Variants in TMEM163 observed in about 807,000 individuals in gnomAD.
The protein encoded by TMEM163 is transmembrane protein 163.
A neutral mutation model predicts 29.3 loss-of-function variants in TMEM163; 17 were observed. That is an observed-to-expected ratio of 0.58 (90% confidence interval 0.40 to 0.87). TMEM163 has a LOEUF of 0.87. Ranked by LOEUF, TMEM163 falls within the 40% of genes least tolerant of loss-of-function variation. The pLI is 0.00. For missense variants in TMEM163, 303 were observed against 381.5 expected, an observed-to-expected ratio of 0.79 and a Z score of 1.71; for synonymous variants, 157 against 160.6, an observed-to-expected ratio of 0.98 and a Z score of 0.17.
At chr2:134,514,764 A>G (rs1680021638) in intron 4 of TMEM163, among the ~76,000 whole-genome samples, 1 of 152,112 alleles carries the variant, frequency 6.6e-6, no homozygotes, top group South Asian at 2.1e-4. Context: ...CCTGCCCACT[A>G]TGGGACTTGG....
intron 2 of TMEM163, among the ~76,000 whole-genome samples, chr2:134,594,985 C>T (rs889005953): frequency 6.6e-6 from 1 of 151,078 alleles, no homozygotes; most frequent in Admixed American, 6.6e-5. Context: ...AAAACAACAA[C>T]AAAAAAAGAT....
intron 2 of TMEM163, among the ~76,000 whole-genome samples, chr2:134,689,913 GGTTTGTTT>G (rs71400515): frequency 1.8e-4 from 27 of 151,442 alleles, no homozygotes; most frequent in East Asian, 1.2e-3. Context: ...GCTCCTTTGC[GGTTTGTTT>G]GTTTGTTTGT....
intron 2 of TMEM163, among the ~76,000 whole-genome samples, chr2:134,689,338 C>T (rs537031266): frequency 2.0e-5 from 3 of 152,190 alleles, no homozygotes; most frequent in Admixed American, 2.0e-4. Flanking sequence ...AATCTCCTGA[C>T]CTCAGGTGAT....
chr2:134,470,373 AC>A (rs1446100881), intron 5 of TMEM163, among the ~76,000 whole-genome samples: 2 of 151,124 alleles, frequency 1.3e-5, no homozygotes, highest in Non-Finnish European at 3.0e-5. Context: ...AAAAAAAAAA[AC>A]TTCATACGGA....
intron 2 of TMEM163, among the ~76,000 whole-genome samples, chr2:134,586,268 G>T (rs532494211): frequency 1.3e-5 from 2 of 152,344 alleles, no homozygotes; most frequent in African/African-American, 4.8e-5. Flanking sequence ...TTAACCAGGA[G>T]AACTTTATTG....
chr2:134,519,300 T>C (rs1458880090), intron 4 of TMEM163, among the ~76,000 whole-genome samples: 1 of 152,194 alleles, frequency 6.6e-6, no homozygotes, highest in African/African-American at 2.4e-5. Context: ...CTTGGGGCAG[T>C]CTTTAAAACC....
intron 5 of TMEM163, chr2:134,466,694 A>T (rs1253215819): frequency 1.3e-5 from 2 of 155,494 alleles, no homozygotes; most frequent in African/African-American, 4.8e-5. Context: ...GGCCAGAGCT[A>T]CTTAAAACCA....
At chr2:134,606,813 T>C (rs1475654385) in intron 2 of TMEM163, among the ~76,000 whole-genome samples, 1 of 152,200 alleles carries the variant, frequency 6.6e-6, no homozygotes, top group African/African-American at 2.4e-5. Context: ...ATGGGGGCAG[T>C]GAGTGAATCT....
At chr2:134,599,845 T>C (rs1682186263) in intron 2 of TMEM163, among the ~76,000 whole-genome samples, 1 of 151,996 alleles carries the variant, frequency 6.6e-6, no homozygotes, top group Non-Finnish European at 1.5e-5. Flanking sequence ...CCTATTCTAC[T>C]TTTTCATTAA....
intron 5 of TMEM163, among the ~76,000 whole-genome samples, chr2:134,476,314 G>A (rs1686911587): frequency 1.3e-5 from 2 of 152,308 alleles, no homozygotes; most frequent in South Asian, 4.1e-4. Flanking sequence ...GGGAGAGGAG[G>A]TGATTAATGA....
At chr2:134,613,103 G>A (rs1682541497) in intron 2 of TMEM163, among the ~76,000 whole-genome samples, 3 of 152,106 alleles carry the variant, frequency 2.0e-5, no homozygotes, top group African/African-American at 7.2e-5. Flanking sequence ...TACTAGAGTT[G>A]AAAAGTATAA....
intron 6 of TMEM163, chr2:134,458,650 A>G (rs964036948): frequency 6.3e-6 from 1 of 157,680 alleles, no homozygotes; most frequent in Non-Finnish European, 1.4e-5. Flanking sequence ...GTGACGTCAC[A>G]TTATCATCAT....
chr2:134,569,967 G>A (rs573168193), intron 2 of TMEM163, among the ~76,000 whole-genome samples: 10 of 152,160 alleles, frequency 6.6e-5, no homozygotes, highest in South Asian at 2.1e-4. Flanking sequence ...CTCCCTGCCC[G>A]TTGGTCACTT....
At chr2:134,693,809 C>T (rs1445631814) in intron 2 of TMEM163, among the ~76,000 whole-genome samples, 1 of 152,154 alleles carries the variant, frequency 6.6e-6, no homozygotes, top group Admixed American at 6.5e-5. Flanking sequence ...CCTTTAGGTC[C>T]AGACAAGGTT....
chr2:134,459,765 G>T (rs1175324830), intron 6 of TMEM163, among the ~76,000 whole-genome samples: 2 of 148,300 alleles, frequency 1.3e-5, no homozygotes, highest in African/African-American at 5.0e-5. Context: ...GGCTCCTCCT[G>T]TCCCCTTTGC....
chr2:134,492,230 A>G (rs1302015406), intron 5 of TMEM163, among the ~76,000 whole-genome samples: 1 of 152,202 alleles, frequency 6.6e-6, no homozygotes, highest in Non-Finnish European at 1.5e-5. Flanking sequence ...ACAATCAGGA[A>G]AACAAAACCT....
intron 2 of TMEM163, among the ~76,000 whole-genome samples, chr2:134,604,833 A>G (rs2104812658): frequency 6.6e-6 from 1 of 152,310 alleles, no homozygotes; most frequent in South Asian, 2.1e-4. Context: ...AGGAATACCT[A>G]TTATCATATC....
At chr2:134,526,797 T>C (rs1680308384) in intron 4 of TMEM163, among the ~76,000 whole-genome samples, 1 of 152,242 alleles carries the variant, frequency 6.6e-6, no homozygotes, top group Admixed American at 6.5e-5. Context: ...ATGTCTGCTT[T>C]TGCCCTAACT....
intron 2 of TMEM163, among the ~76,000 whole-genome samples, chr2:134,575,388 C>T (rs1681529473): frequency 6.6e-6 from 1 of 152,176 alleles, no homozygotes; most frequent in Non-Finnish European, 1.5e-5. Context: ...GGCCGAGAAT[C>T]GCCCCCTCAG....
Sources: gnomAD v4.1 joint callset for allele counts (sites outside exome capture counted in the v4.1 genomes callset) on GRCh38, gnomAD v4.1.1 for gene constraint, MANE v1.5 for transcripts, NCBI Gene and HGNC (gene_info 2026-07-23, HGNC 2026-07-21) for gene names.